Variants in PAPPA observed in about 807,000 individuals in gnomAD.
The protein encoded by PAPPA is pappalysin-1.
Under a neutral mutation model 164.0 loss-of-function variants are expected in PAPPA, and 60 were observed. The observed-to-expected ratio is 0.37, with a 90% CI of 0.30 to 0.45. PAPPA has a LOEUF of 0.45. Ranked by LOEUF, PAPPA falls within the 20% of genes least tolerant of loss-of-function variation. The probability of loss-of-function intolerance (pLI) is 1.00; values close to 1 mark genes in which losing one functional copy is unlikely to be tolerated. For synonymous variants in PAPPA, 875 were observed against 814.1 expected (o/e 1.07, Z -1.27); for missense variants, 1,782 against 2,087.3 (o/e 0.85, Z 2.85).
chr9:116,392,908 T>G (rs533288327), intron 21 of PAPPA, among the ~76,000 whole-genome samples: 7 of 152,306 alleles, frequency 4.6e-5, no homozygotes, highest in Non-Finnish European at 1.0e-4. Flanking sequence ...ACATATTACT[T>G]ACAAGCATGT....
intron 17 of PAPPA, among the ~76,000 whole-genome samples, chr9:116,358,325 A>C (rs1846379878): frequency 6.6e-6 from 1 of 152,244 alleles, no homozygotes; most frequent in South Asian, 2.1e-4. Flanking sequence ...CCCCTGTACC[A>C]ACCTTGGAAG....
intron 1 of PAPPA, among the ~76,000 whole-genome samples, chr9:116,182,632 T>C (rs1208452603): frequency 6.6e-6 from 1 of 152,192 alleles, no homozygotes; most frequent in Non-Finnish European, 1.5e-5. Context: ...GAGAGACTCT[T>C]TCCATGCCTT....
chr9:116,362,672 C>T lies in PAPPA; in HGVS notation c.4428C>T (p.Gly1476=), dbSNP rs756223339. ...GSFHVCQEMQ[G]QCSVPNELNS... ...TCCATGTCTGCCAGGAGATGCAAGG[C>T]CAGTGCTCGGTTCCAAACGAGCTCA... The change falls in exon 18 of 22, where the codon GGC becomes GGT. Residue 1476 remains glycine (G), a synonymous_variant. Transcript: ENST00000328252. The T allele has an allele frequency of 2.7e-5, 44 of 1,614,076 alleles. No homozygotes were observed. Among genetic ancestry groups the T allele is most frequent in the Non-Finnish European group, 3.7e-5 (44 of 1,179,970 alleles).
In PAPPA at chr9:116,220,126, A is replaced by C; in HGVS notation, c.2108A>C (p.Glu703Ala). 6.2e-7 allele frequency: 1 copy of C among 1,611,906 alleles called. No individual in the cohort carries two copies. Among genetic ancestry groups the C allele is most frequent in the South Asian group, 1.1e-5 (1 of 91,018 alleles). The stretch of plus-strand genomic sequence containing the variant: ...CCACCTATAGATGGCCATTTCTTTG[A>C]AAGGTGAGTGTGCCCTGTGTAGTGT... ...WFPPIDGHFF[E>A]RELGSACHLC... Residue 703 changes from glutamate (E) to alanine (A), a missense_variant, in exon 5 of 22, where the codon GAA (glutamate) becomes GCA (alanine). Physicochemically the swap from Glu to Ala is moderately radical, Grantham distance 107 (BLOSUM62 -1). Transcript: ENST00000328252.
rs141429956 is a variant in PAPPA, at chr9:116,337,930, G to A, written c.3611+2856G>A. ...GGTTTCAAAGGAGAGGTCCAGTTGTGCAATTCTAGCCAAATCTCAGCCCCA... is the reference window on the plus strand; with the variant it reads ...GGTTTCAAAGGAGAGGTCCAGTTGTACAATTCTAGCCAAATCTCAGCCCCA... On this transcript the variant is annotated intron_variant, in intron 13 of 21. Coordinates refer to ENST00000328252, the MANE Select transcript of PAPPA (RefSeq NM_002581.5). Among the ~76,000 whole-genome samples, 14 of 152,250 alleles carry A rather than the reference G, an allele frequency of 9.2e-5. 1 individual carries two copies. The East Asian group carries it at 2.5e-3, about 27-fold the overall frequency.
At chr9:116,218,642 AT>A (rs1844405417) in intron 4 of PAPPA, among the ~76,000 whole-genome samples, 1 of 152,138 alleles carries the variant, frequency 6.6e-6, no homozygotes, top group African/African-American at 2.4e-5. Context: ...CACCTGAGAG[AT>A]TGTGTTCCAA....
intron 13 of PAPPA, among the ~76,000 whole-genome samples, chr9:116,338,040 A>G (rs1024394591): frequency 1.3e-5 from 2 of 152,188 alleles, no homozygotes; most frequent in African/African-American, 4.8e-5. Flanking sequence ...TTAATGAGAA[A>G]AACTACAGTG....
chr9:116,320,148 T>C (rs1055151575), intron 10 of PAPPA, among the ~76,000 whole-genome samples: 6 of 152,260 alleles, frequency 3.9e-5, no homozygotes, highest in Admixed American at 2.6e-4. Flanking sequence ...ATACGTCTTA[T>C]ATGATTTCTA....
chr9:116,297,359 G>T (rs762259242), intron 9 of PAPPA, among the ~76,000 whole-genome samples: 8 of 152,152 alleles, frequency 5.3e-5, no homozygotes, highest in African/African-American at 1.9e-4. Context: ...TCTGTTCAAC[G>T]TTTTGAAACT....
chr9:116,386,947 G>A (rs1352160989), intron 21 of PAPPA, among the ~76,000 whole-genome samples: 2 of 152,166 alleles, frequency 1.3e-5, no homozygotes, highest in Non-Finnish European at 2.9e-5. Context: ...GCCTCTCAGA[G>A]AAGGAGAGAG....
rs1415655233 is a variant in PAPPA, at chr9:116,399,431, C to T, written c.*2815C>T. ...TCAATTTGGGCAATGCATTTGTTCC[C>T]AGTTTCATTTTCTTCCTGGGAATTA... On this transcript the variant is annotated 3_prime_UTR_variant, in exon 22 of 22. Transcript: ENST00000328252. 1.3e-5 allele frequency: 2 copies of T among 152,522 alleles called. No homozygotes were observed. Among genetic ancestry groups the T allele is most frequent in the Non-Finnish European group, 2.9e-5 (2 of 68,032 alleles). The allele number at this position is 152,522 out of a possible 1,614,324, so 9.4% of individuals were successfully genotyped here. A position where few individuals can be genotyped will look rare whatever the true frequency, so the allele number is the denominator to read the frequency against.
At chr9:116,362,512 T>C in intron 17 of PAPPA, 80 bp from the exon 18 acceptor site, 1 of 1,456,942 alleles carries the variant, frequency 6.9e-7, no homozygotes, top group East Asian at 2.3e-5. Context: ...TGAAAAATTC[T>C]TTTCTGTTGT....
intron 17 of PAPPA, among the ~76,000 whole-genome samples, chr9:116,357,877 G>A (rs990393630): frequency 2.0e-5 from 3 of 152,166 alleles, no homozygotes; most frequent in Non-Finnish European, 4.4e-5. Context: ...AACTCAGCAG[G>A]AGCAAGAGAG....
At chr9:116,297,639 CT>C (rs1205328212) in intron 9 of PAPPA, among the ~76,000 whole-genome samples, 1 of 152,154 alleles carries the variant, frequency 6.6e-6, no homozygotes, top group Non-Finnish European at 1.5e-5. Flanking sequence ...TAGGTTGTTA[CT>C]TTTTTCTTTT....
chr9:116,268,763 C>A (rs993138918), intron 8 of PAPPA, among the ~76,000 whole-genome samples: 1 of 137,786 alleles, frequency 7.3e-6, no homozygotes, highest in African/African-American at 2.7e-5. Context: ...AACACATGTT[C>A]AGTTACCTGT....
At chr9:116,231,778 T>TTTTTTTTTTTTTTTTTG (rs1564192736) in intron 6 of PAPPA, among the ~76,000 whole-genome samples, 2 of 144,186 alleles carry the variant, frequency 1.4e-5, no homozygotes, top group East Asian at 2.0e-4. Flanking sequence ...TTTTTTTTTT[T>TTTTTTTTTTTTTTTTTG]GAGATGGAGT....
At chr9:116,165,598 C>G (rs745539467) in intron 1 of PAPPA, among the ~76,000 whole-genome samples, 1 of 152,182 alleles carries the variant, frequency 6.6e-6, no homozygotes, top group African/African-American at 2.4e-5. Flanking sequence ...ACCTGCCCAC[C>G]AACATCCAAC....
intron 10 of PAPPA, among the ~76,000 whole-genome samples, chr9:116,323,634 C>T (rs1489806763): frequency 6.6e-6 from 1 of 152,092 alleles, no homozygotes; most frequent in Non-Finnish European, 1.5e-5. Flanking sequence ...TTGTCTTTGC[C>T]CAAAAAGGTG....
chr9:116,168,431 T>G (rs2118985435), intron 1 of PAPPA, among the ~76,000 whole-genome samples: 1 of 152,270 alleles, frequency 6.6e-6, no homozygotes, highest in Non-Finnish European at 1.5e-5. Flanking sequence ...CTGCTATAAC[T>G]AAGCAATTAA....
Sources: allele counts gnomAD v4.1 joint callset (sites outside exome capture counted in the v4.1 genomes callset), GRCh38; gene constraint gnomAD v4.1.1; transcripts MANE v1.5; gene names NCBI Gene and HGNC (gene_info 2026-07-23, HGNC 2026-07-21).